Variants in MAGI2 observed in about 807,000 individuals in gnomAD.
The protein encoded by MAGI2 is membrane associated guanylate kinase, WW and PDZ domain containing 2, also known as membrane-associated guanylate kinase, WW and PDZ domain-containing protein 2.
Under a neutral mutation model 133.3 loss-of-function variants are expected in MAGI2, and 35 were observed. The ratio of observed to expected loss-of-function variants is 0.26; its 90% confidence interval spans 0.20 to 0.35. MAGI2 has a LOEUF of 0.35. MAGI2 is among the 10% of genes least tolerant of loss of function. The pLI is 1.00. For synonymous variants in MAGI2, 729 were observed against 710.6 expected (o/e 1.03, Z -0.41); for missense variants, 1,636 against 1,863.4 (o/e 0.88, Z 2.25).
At chr7:78,184,959 T>C (rs1276701502) in intron 13 of MAGI2, among the ~76,000 whole-genome samples, 4 of 152,204 alleles carry the variant, frequency 2.6e-5, no homozygotes, top group Non-Finnish European at 4.4e-5. Flanking sequence ...TTCTAATCCG[T>C]TCTTTGGAAA....
chr7:78,636,536 C>T (rs904110051), intron 2 of MAGI2, among the ~76,000 whole-genome samples: 5 of 152,132 alleles, frequency 3.3e-5, no homozygotes, highest in East Asian at 1.9e-4. Flanking sequence ...CTGTGGCTCA[C>T]GCCTGTAATC....
intron 6 of MAGI2, among the ~76,000 whole-genome samples, chr7:78,411,729 T>C (rs1289511359): frequency 6.6e-6 from 1 of 152,072 alleles, no homozygotes; most frequent in African/African-American, 2.4e-5. Context: ...TAAGTTTAAG[T>C]ATCTTTTGGC....
intron 1 of MAGI2, among the ~76,000 whole-genome samples, chr7:79,230,353 T>C (rs1051591726): frequency 1.6e-4 from 24 of 152,096 alleles, no homozygotes; most frequent in African/African-American, 5.6e-4. Flanking sequence ...TCTAGATCCC[T>C]GAGGAATCGC....
intron 9 of MAGI2, among the ~76,000 whole-genome samples, chr7:78,318,744 G>A (rs1787690257): frequency 6.6e-6 from 1 of 152,148 alleles, no homozygotes; most frequent in African/African-American, 2.4e-5. Flanking sequence ...CCCACAAAAG[G>A]AAGCCCATCA....
intron 2 of MAGI2, among the ~76,000 whole-genome samples, chr7:78,844,381 T>C (rs577113589): frequency 1.1e-4 from 16 of 151,890 alleles, no homozygotes; most frequent in Non-Finnish European, 1.8e-4. Context: ...TTACTCATAA[T>C]AGTCCAAAGG....
chr7:78,244,999 TAG>T (rs1437948604), intron 10 of MAGI2, among the ~76,000 whole-genome samples: 36 of 152,204 alleles, frequency 2.4e-4, no homozygotes, highest in Admixed American at 8.5e-4. Flanking sequence ...AGGAAATGGA[TAG>T]AAATTTCCAT....
At chr7:78,822,728 T>C (rs1355323450) in intron 2 of MAGI2, among the ~76,000 whole-genome samples, 1 of 152,160 alleles carries the variant, frequency 6.6e-6, no homozygotes. Context: ...CAAGACAGCA[T>C]GCCTGAAGTA....
At chr7:78,695,793 A>C (rs1280311331) in intron 2 of MAGI2, among the ~76,000 whole-genome samples, 1 of 152,162 alleles carries the variant, frequency 6.6e-6, no homozygotes, top group Non-Finnish European at 1.5e-5. Flanking sequence ...TTTAGAGCTA[A>C]GAAGCAAGAG....
chr7:78,321,582 A>T (rs1788007297), intron 9 of MAGI2, among the ~76,000 whole-genome samples: 1 of 152,232 alleles, frequency 6.6e-6, no homozygotes, highest in African/African-American at 2.4e-5. Flanking sequence ...GGAAACTGAA[A>T]CTGGGCCCCT....
At chr7:78,295,082 A>G (rs1348666769) in intron 9 of MAGI2, among the ~76,000 whole-genome samples, 2 of 152,114 alleles carry the variant, frequency 1.3e-5, no homozygotes, top group Non-Finnish European at 1.5e-5. Context: ...CTTTGTACCT[A>G]TCCCCTTTAA....
intron 1 of MAGI2, among the ~76,000 whole-genome samples, chr7:79,425,630 C>T (rs926261727): frequency 1.0e-4 from 15 of 149,950 alleles, no homozygotes; most frequent in African/African-American, 3.7e-4. Flanking sequence ...GTTTTGATTA[C>T]ATAACTACCA....
chr7:79,288,698 G>A (rs1836226693), intron 1 of MAGI2, among the ~76,000 whole-genome samples: 1 of 152,054 alleles, frequency 6.6e-6, no homozygotes, highest in Non-Finnish European at 1.5e-5. Context: ...GAAAGTTGAG[G>A]AATTTGGGCT....
At chr7:78,830,408 T>C (rs1317628844) in intron 2 of MAGI2, among the ~76,000 whole-genome samples, 6 of 152,182 alleles carry the variant, frequency 3.9e-5, no homozygotes, top group Admixed American at 6.6e-5. Flanking sequence ...TGATTCATTA[T>C]GTAATATATC....
At chr7:79,443,095 A>G (rs1848597507) in intron 1 of MAGI2, among the ~76,000 whole-genome samples, 4 of 152,000 alleles carry the variant, frequency 2.6e-5, no homozygotes, top group Admixed American at 2.6e-4. Flanking sequence ...AACATGGTAA[A>G]ACCCCATCTC....
rs1460432871 is a variant in MAGI2 at position 78,019,562 on chromosome 7, C to G, written c.4121G>C (p.Gly1374Ala). ...GCCTTCGCGCCGGCAGAGCTCGGAG[C>G]CCGCCGCCGCACGGGGCGCCTCCTT... ...GGKEAPRAAA[G>A]SELCRREGPG... is the part of the protein sequence containing the mutation. Residue 1374 changes from glycine to alanine, a missense_variant, in exon 22 of 22, where the codon GGC (glycine) becomes GCC (alanine). By Grantham distance (60) the Gly-to-Ala change is moderately conservative. Transcript: ENST00000354212. 1.0e-6 allele frequency: 1 copy of G among 980,376 alleles called. No homozygotes were observed. Among genetic ancestry groups the G allele is most frequent in the Non-Finnish European group, 1.2e-6 (1 of 828,100 alleles). The allele number at this position is 980,376 out of a possible 1,614,324, so 60.7% of individuals were successfully genotyped here.
intron 20 of MAGI2, among the ~76,000 whole-genome samples, chr7:78,116,822 G>A (rs1360387352): frequency 1.3e-5 from 2 of 151,930 alleles, no homozygotes; most frequent in African/African-American, 4.8e-5. Flanking sequence ...ATGCTGCAGT[G>A]AGCCATGTTT....
In MAGI2 at chr7:78,945,286, T is replaced by C. The variant is rs577385372; in HGVS notation, c.418+61804A>G. Among the ~76,000 whole-genome samples, 7 of 152,246 alleles carry C rather than the reference T, an allele frequency of 4.6e-5. No homozygotes were observed. In the South Asian group the frequency reaches 1.2e-3, roughly 27 times the overall value. ...CATGTTGGCCAGGCTGGTCTCAAAC[T>C]CCTGGGCTCAAGAAATCTACCCACC... On this transcript the variant is annotated intron_variant, in intron 2 of 21. Transcript: ENST00000354212.
intron 3 of MAGI2, 73 bp downstream of exon 3, chr7:78,627,047 T>A (rs748873130): frequency 6.9e-7 from 1 of 1,447,412 alleles, no homozygotes; most frequent in Non-Finnish European, 9.1e-7. Flanking sequence ...TAACCTGGTG[T>A]CCCCGTGCAT....
At chr7:78,895,574 AC>A (rs75472855) in intron 2 of MAGI2, among the ~76,000 whole-genome samples, 6,055 of 152,112 alleles carry the variant, frequency 0.04, 338 homozygotes, top group African/African-American at 0.12. Context: ...CTATAAATTA[AC>A]CCCAAGGCCC....
Sources: gnomAD v4.1 joint callset for allele counts (sites outside exome capture counted in the v4.1 genomes callset) on GRCh38, gnomAD v4.1.1 for gene constraint, MANE v1.5 for transcripts, NCBI Gene and HGNC (gene_info 2026-07-23, HGNC 2026-07-21) for gene names.